MKKS: variants seen among roughly 807,000 people sequenced by gnomAD.
MKKS encodes the protein MKKS centrosomal shuttling protein, also known as molecular chaperone MKKS.
MKKS carries 29 observed loss-of-function variants against 33.2 expected under a neutral mutation model. That is an observed-to-expected ratio of 0.87 (90% CI 0.65 to 1.19). The LOEUF (loss-of-function observed/expected upper bound fraction) is 1.19. MKKS is among the 50% of genes most tolerant of loss of function. MKKS has a pLI of 0.00. For synonymous variants in MKKS, 260 were observed against 244.0 expected, an observed-to-expected ratio of 1.07 and a Z score of -0.61; for missense variants, 661 against 662.3, an observed-to-expected ratio of 1.00 and a Z score of 0.02.
At chr20:10,421,866 T>C (rs1432477469) in intron 1 of MKKS, among the ~76,000 whole-genome samples, 5 of 151,984 alleles carry the variant, frequency 3.3e-5, no homozygotes, top group African/African-American at 9.7e-5. Flanking sequence ...TTTGGGAACT[T>C]GAATCTGGAC....
Position 10,413,126 on chromosome 20 carries a change from T to C in MKKS, c.389A>G (p.Tyr130Cys). The C allele has an allele frequency of 6.2e-7, 1 of 1,614,130 alleles. No homozygotes were observed. The highest frequency in any genetic ancestry group is 8.5e-7 in the Non-Finnish European group (1 of 1,180,048). The change falls in exon 3 of 6, where the codon TAT becomes TGT. Residue 130 changes from tyrosine to cysteine, a missense_variant. Coordinates refer to ENST00000347364, the MANE Select transcript of MKKS (RefSeq NM_170784.3). The part of the protein sequence containing the change: ...NKHLLSLCIS[Y>C]LKSETCGCRI... ...ACAACCACAGGTCTCAGACTTGAGATAACTGATGCAAAGACTCAAAAGATG... is the reference window on the plus strand; with the variant it reads ...ACAACCACAGGTCTCAGACTTGAGACAACTGATGCAAAGACTCAAAAGATG...
At chr20:10,433,745 G>A (rs1405231807) in intron 1 of MKKS, among the ~76,000 whole-genome samples, 1 of 152,120 alleles carries the variant, frequency 6.6e-6, no homozygotes, top group Non-Finnish European at 1.5e-5. Context: ...CAGACAGTCA[G>A]GGGCACACGG....
chr20:10,421,427 A>G (rs1166406396), intron 1 of MKKS, among the ~76,000 whole-genome samples: 5 of 152,046 alleles, frequency 3.3e-5, no homozygotes, highest in African/African-American at 1.2e-4. Context: ...AAAAAAAAAA[A>G]AAAAAAAATT....
chr20:10,433,173 T>G (rs2065066709), intron 1 of MKKS, among the ~76,000 whole-genome samples: 1 of 152,256 alleles, frequency 6.6e-6, no homozygotes, highest in South Asian at 2.1e-4. Context: ...CCGGCTCATT[T>G]TTTTGTACTT....
chr20:10,411,494 T>C (rs141931890), intron 3 of MKKS, among the ~76,000 whole-genome samples: 1,884 of 152,276 alleles, frequency 0.012, 41 homozygotes, highest in African/African-American at 0.042. Flanking sequence ...AGCTAGTAGA[T>C]ATTTAAGGCT....
chr20:10,410,494 G>C (rs2036808627), intron 3 of MKKS, among the ~76,000 whole-genome samples: 1 of 152,122 alleles, frequency 6.6e-6, no homozygotes, highest in Admixed American at 6.5e-5. Flanking sequence ...AGCCAGGCGT[G>C]GTGGCGTGTG....
intron 1 of MKKS, among the ~76,000 whole-genome samples, chr20:10,428,469 C>A (rs2065031240): frequency 6.6e-6 from 1 of 152,196 alleles, no homozygotes. Context: ...AACCTATTGG[C>A]CAGAGGACAT....
chr20:10,401,068 G>C lies in MKKS; in HGVS notation c.*4179C>G, dbSNP rs1358132051. On this transcript the variant is annotated 3_prime_UTR_variant, in exon 6 of 6. Coordinates refer to ENST00000347364, the MANE Select transcript of MKKS (RefSeq NM_170784.3). ...ATTTTCTCAAAGAGAATTTTTAATA[G>C]GAGATTGTCAAGCTGTTTTATTTCC... 3 of 152,082 alleles carry C rather than the reference G, an allele frequency of 2.0e-5. No individual in the cohort carries two copies. Among genetic ancestry groups the C allele is most frequent in the Non-Finnish European group, 2.9e-5 (2 of 68,016 alleles). 9.4% of individuals were successfully genotyped at this position (152,082 alleles called of 1,614,324 possible).
chr20:10,424,698 G>A (rs2065003648), intron 1 of MKKS, among the ~76,000 whole-genome samples: 1 of 151,974 alleles, frequency 6.6e-6, no homozygotes, highest in African/African-American at 2.4e-5. Context: ...AACATATTTT[G>A]GGGATACAAT....
chr20:10,420,029 T>C (rs1473562661), intron 2 of MKKS, among the ~76,000 whole-genome samples: 1 of 152,190 alleles, frequency 6.6e-6, no homozygotes, highest in East Asian at 1.9e-4. Context: ...GAGAACTTTT[T>C]GAATTTTGGA....
intron 3 of MKKS, among the ~76,000 whole-genome samples, chr20:10,409,063 G>A (rs956406835): frequency 1.3e-5 from 2 of 152,064 alleles, no homozygotes; most frequent in African/African-American, 4.8e-5. Flanking sequence ...ATTTTGTACT[G>A]TCTTCCCAGA....
intron 2 of MKKS, among the ~76,000 whole-genome samples, chr20:10,420,279 C>A (rs2064970332): frequency 6.6e-6 from 1 of 151,964 alleles, no homozygotes; most frequent in South Asian, 2.1e-4. Flanking sequence ...CATTCATGAT[C>A]CTGGTGATGC....
rs750685530 is a variant in MKKS at position 10,418,845 on chromosome 20, T to C, written c.-418+1683A>G. Among the ~76,000 whole-genome samples the C allele has an allele frequency of 4.7e-4, 72 of 152,114 alleles. 1 individual carries two copies. The highest frequency in any genetic ancestry group is 4.1e-4 in the South Asian group (2 of 4,822). On this transcript the variant is annotated intron_variant, in intron 2 of 5. Transcript: ENST00000347364. ...TCTTACTAGTCTGAAAGACTATATA[T>C]ATAAAAATCCAGCACCTAATAAATT...
At chr20:10,417,245 TAAAAA>T (rs60367709) in intron 2 of MKKS, among the ~76,000 whole-genome samples, 1 of 132,418 alleles carries the variant, frequency 7.6e-6, no homozygotes. Context: ...GACTCCATCT[TAAAAA>T]AAAAAAAAAA....
At chr20:10,423,411 G>A (rs1446866539) in intron 1 of MKKS, among the ~76,000 whole-genome samples, 4 of 151,980 alleles carry the variant, frequency 2.6e-5, no homozygotes, top group East Asian at 3.9e-4. Flanking sequence ...GATGAAATGC[G>A]ATCGTTTCAA....
chr20:10,412,719 C>A lies in MKKS; in HGVS notation c.796G>T (p.Val266Phe), dbSNP rs2064899855. 6.2e-7 allele frequency: 1 copy of A among 1,614,152 alleles called. No individual in the cohort carries two copies. The highest frequency in any genetic ancestry group is 8.5e-7 in the Non-Finnish European group (1 of 1,180,022). ...TCCAAGACTGCATTTTCAAGAGAAACCCCATAACTGACCACCACAGTTCCT... is the reference window on the plus strand; with the variant it reads ...TCCAAGACTGCATTTTCAAGAGAAAACCCATAACTGACCACCACAGTTCCT... Reference protein sequence around the residue: ...GEGTVVVSYGVSLENAVLDQL... With the variant: ...GEGTVVVSYGFSLENAVLDQL... Residue 266 changes from valine (V) to phenylalanine (F), a missense_variant, in exon 3 of 6, where the codon GTT (valine) becomes TTT (phenylalanine). Val to Phe is a conservative substitution (Grantham distance 50, BLOSUM62 -1). Coordinates refer to ENST00000347364, the MANE Select transcript of MKKS (RefSeq NM_170784.3).
intron 2 of MKKS, among the ~76,000 whole-genome samples, chr20:10,414,326 C>T (rs918109936): frequency 7.8e-5 from 11 of 141,912 alleles, no homozygotes; most frequent in Admixed American, 7.5e-4. Context: ...AGTGCAATGG[C>T]GTGATCTTGG....
rs1388297172 is a variant in MKKS, at chr20:10,405,525, A to T, written c.1435T>A (p.Ser479Thr). 1 of 1,614,204 alleles carries T rather than the reference A, an allele frequency of 6.2e-7. No homozygotes were observed. The highest frequency in any genetic ancestry group is 1.7e-5 in the Admixed American group (1 of 60,016). The change falls in exon 6 of 6, where the codon TCA becomes ACA. Residue 479 changes from serine (S) to threonine (T), a missense_variant. By Grantham distance (58) the Ser-to-Thr change is moderately conservative. Coordinates refer to ENST00000347364, the MANE Select transcript of MKKS (RefSeq NM_170784.3). ...LTDMKYGHLWSVQADSPCVAN... is the reference protein window; with the variant it reads ...LTDMKYGHLWTVQADSPCVAN... ...ACACAGGGAGAATCTGCCTGAACTGACCAAAGGTGTCCATACTTCATGTCA... is the reference window on the plus strand; with the variant it reads ...ACACAGGGAGAATCTGCCTGAACTGTCCAAAGGTGTCCATACTTCATGTCA...
rs1269314884 is a variant in MKKS, at chr20:10,434,100, G to C, written c.-649+8C>G. On this transcript the variant is annotated splice_region_variant and intron_variant, in intron 1 of 5. Coordinates refer to ENST00000347364, the MANE Select transcript of MKKS (RefSeq NM_170784.3). Reference sequence around the variant, plus strand: ...GGGCTTTTCCACCTAGAGTCCCAGCGCTCTCACCTGCGCACCAGCCGTCGC... The same window carrying C: ...GGGCTTTTCCACCTAGAGTCCCAGCCCTCTCACCTGCGCACCAGCCGTCGC... 6.6e-6 allele frequency: 1 copy of C among 152,570 alleles called. No homozygotes were observed. The highest frequency in any genetic ancestry group is 1.9e-4 in the East Asian group (1 of 5,192). The allele number at this position is 152,570 out of a possible 1,614,324, so 9.5% of individuals were successfully genotyped here.
Sources: allele counts gnomAD v4.1 joint callset (sites outside exome capture counted in the v4.1 genomes callset), GRCh38; gene constraint gnomAD v4.1.1; transcripts MANE v1.5; gene names NCBI Gene and HGNC (gene_info 2026-07-23, HGNC 2026-07-21).